The following STON1 variants were observed in gnomAD, a reference collection of about 807,000 sequenced individuals.
STON1 encodes stonin-1.
In STON1, 79 loss-of-function variants were observed where a neutral mutation model predicts 60.9. The observed-to-expected ratio is 1.30, with a 90% CI of 1.08 to 1.56. The LOEUF is 1.56. Ranked by LOEUF, STON1 falls within the 40% of genes most tolerant of loss-of-function variation. STON1 has a pLI of 0.00. For synonymous variants in STON1, 363 were observed against 306.9 expected, an observed-to-expected ratio of 1.18 and a Z score of -1.91; for missense variants, 1,166 against 858.9, an observed-to-expected ratio of 1.36 and a Z score of -4.47.
chr2:48,544,583 T>C (rs919940103), intron 1 of STON1, among the ~76,000 whole-genome samples: 1 of 152,232 alleles, frequency 6.6e-6, no homozygotes, highest in Non-Finnish European at 1.5e-5. Flanking sequence ...TCTTGCTCTG[T>C]TGCTTAGGCT....
chr2:48,587,556 G>T (rs1004806560), intron 2 of STON1, among the ~76,000 whole-genome samples: 1 of 152,166 alleles, frequency 6.6e-6, no homozygotes, highest in Non-Finnish European at 1.5e-5. Flanking sequence ...CTCCCAAAGT[G>T]CTGGGATTAT....
chr2:48,589,629 A>G (rs566062187), intron 2 of STON1, among the ~76,000 whole-genome samples: 1 of 152,362 alleles, frequency 6.6e-6, no homozygotes, highest in South Asian at 2.1e-4. Context: ...AAAAGCAGGT[A>G]GAAAGGTTTT....
chr2:48,562,987 A>G (rs1414327280), intron 1 of STON1, among the ~76,000 whole-genome samples: 2 of 152,240 alleles, frequency 1.3e-5, no homozygotes, highest in Non-Finnish European at 2.9e-5. Context: ...CAAATTGTAG[A>G]TGAGAGACTG....
chr2:48,538,860 C>T (rs770423075), intron 1 of STON1, among the ~76,000 whole-genome samples: 22 of 150,836 alleles, frequency 1.5e-4, no homozygotes, highest in Non-Finnish European at 2.1e-4. Context: ...TCAAGTGATC[C>T]GCCTGCCGCG....
At chr2:48,592,718 C>G (rs1558653135) in intron 3 of STON1, among the ~76,000 whole-genome samples, 1 of 151,910 alleles carries the variant, frequency 6.6e-6, no homozygotes, top group Non-Finnish European at 1.5e-5. Context: ...CTCTCGGCCT[C>G]CCCAAGTGCT....
At chr2:48,579,830 G>T (rs1480955481) in intron 1 of STON1, among the ~76,000 whole-genome samples, 1 of 152,134 alleles carries the variant, frequency 6.6e-6, no homozygotes, top group Non-Finnish European at 1.5e-5. Flanking sequence ...CCAATTATTA[G>T]TGGGTGGCTA....
At chr2:48,593,523 G>A (rs1283575387) in intron 3 of STON1, among the ~76,000 whole-genome samples, 1 of 152,152 alleles carries the variant, frequency 6.6e-6, no homozygotes, top group Non-Finnish European at 1.5e-5. Context: ...TCTTTCACAT[G>A]AGCAACATTT....
chr2:48,540,360 C>T (rs942088267), intron 1 of STON1, among the ~76,000 whole-genome samples: 1 of 152,180 alleles, frequency 6.6e-6, no homozygotes, highest in African/African-American at 2.4e-5. Flanking sequence ...GCCCTCCTTT[C>T]ACTTACCCCA....
At chr2:48,574,312 G>T (rs995739083) in intron 1 of STON1, among the ~76,000 whole-genome samples, 12 of 151,868 alleles carry the variant, frequency 7.9e-5, no homozygotes, top group Admixed American at 2.0e-4. Context: ...GGAGGCAAAG[G>T]TTGCAGTGAG....
intron 1 of STON1, among the ~76,000 whole-genome samples, chr2:48,533,152 G>C (rs907111307): frequency 1.5e-4 from 23 of 152,134 alleles, no homozygotes; most frequent in African/African-American, 5.3e-4. Flanking sequence ...GGGAGGCCAA[G>C]GCAGGCAGAT....
At chr2:48,540,960 GTT>G (rs1671625815) in intron 1 of STON1, among the ~76,000 whole-genome samples, 1 of 152,144 alleles carries the variant, frequency 6.6e-6, no homozygotes, top group African/African-American at 2.4e-5. Flanking sequence ...TGGTTAGAGA[GTT>G]TTTCCTATAC....
chr2:48,593,991 A>G (rs1412111859), intron 3 of STON1, among the ~76,000 whole-genome samples: 1 of 152,130 alleles, frequency 6.6e-6, no homozygotes, highest in East Asian at 1.9e-4. Flanking sequence ...GCAGGGGTGT[A>G]TAGGCCCCTT....
intron 1 of STON1, among the ~76,000 whole-genome samples, chr2:48,542,488 G>A (rs1411714411): frequency 3.3e-5 from 5 of 152,176 alleles, no homozygotes; most frequent in Non-Finnish European, 7.3e-5. Context: ...TGAAGATCAA[G>A]TGAGATAACT....
intron 1 of STON1, chr2:48,569,014 G>T: frequency 6.6e-6 from 1 of 152,388 alleles, no homozygotes. Context: ...TGGACCTCCG[G>T]GTGGTGGACT....
intron 1 of STON1, among the ~76,000 whole-genome samples, chr2:48,568,666 G>A (rs954714024): frequency 2.0e-5 from 3 of 152,202 alleles, no homozygotes; most frequent in African/African-American, 2.4e-5. Context: ...GTCAGTTGAT[G>A]CAGTCAAGAA....
rs1292899686 is a variant in STON1 at position 48,597,053 on chromosome 2, A to C, written c.*1751A>C. The C allele has an allele frequency of 6.6e-6, 1 of 152,168 alleles. No individual in the cohort carries two copies. The highest frequency in any genetic ancestry group is 1.5e-5 in the Non-Finnish European group (1 of 68,048). The allele number at this position is 152,168 out of a possible 1,614,324, so 9.4% of individuals were successfully genotyped here. The stretch of plus-strand genomic sequence containing the variant: ...TTTTTACTACAGACGGAGTTTCCCC[A>C]TGTTGGCCGGGCTAGTCTCGAACTC... On this transcript the variant is annotated 3_prime_UTR_variant, in exon 4 of 4. Coordinates refer to ENST00000404752, the MANE Select transcript of STON1 (RefSeq NM_006873.4).
chr2:48,561,103 G>T (rs1672591468), intron 1 of STON1, among the ~76,000 whole-genome samples: 1 of 152,182 alleles, frequency 6.6e-6, no homozygotes, highest in Non-Finnish European at 1.5e-5. Context: ...TCACAGCGCT[G>T]AAAGACCTCC....
At chr2:48,547,123 G>T (rs62135199) in intron 1 of STON1, among the ~76,000 whole-genome samples, 18,993 of 152,220 alleles carry the variant, frequency 0.12, 1,563 homozygotes, top group Middle Eastern at 0.26. Context: ...TGGAAAATAA[G>T]ATTAGAGCTC....
At position 48,581,677 on chromosome 2, in the gene STON1, G is replaced by T. The variant is rs267599396; in HGVS notation, c.1044G>T (p.Lys348Asn). The change falls in exon 2 of 4, where the codon AAG becomes AAT. Residue 348 changes from lysine (K) to asparagine (N), a missense_variant. Lys to Asn is a moderately conservative substitution (Grantham distance 94). Transcript: ENST00000404752. ...FSVAGKIHTV[K>N]IEHVSYTEKR... ...TAGCAGGAAAAATCCACACTGTGAA[G>T]ATTGAACATGTGTCTTACACAGAAA... The T allele has an allele frequency of 6.2e-7, 1 of 1,613,380 alleles. No individual in the cohort carries two copies. The highest frequency in any genetic ancestry group is 1.1e-5 in the South Asian group (1 of 90,906).
Sources: allele counts gnomAD v4.1 joint callset (sites outside exome capture counted in the v4.1 genomes callset), GRCh38; gene constraint gnomAD v4.1.1; transcripts MANE v1.5; gene names NCBI Gene and HGNC (gene_info 2026-07-23, HGNC 2026-07-21).